The following COG5 variants were observed in gnomAD, a reference collection of about 807,000 sequenced individuals.
The protein encoded by COG5 is conserved oligomeric Golgi complex subunit 5.
COG5 carries 86 observed loss-of-function variants against 110.4 expected under a neutral mutation model. The observed-to-expected ratio is 0.78, with a 90% CI of 0.65 to 0.93. COG5 has a LOEUF of 0.93. COG5 is among the 40% of genes least tolerant of loss of function. The pLI, the probability that COG5 is intolerant of heterozygous loss-of-function variation, is 0.00. For synonymous variants in COG5, 360 were observed against 334.6 expected, an observed-to-expected ratio of 1.08 and a Z score of -0.83; for missense variants, 1,077 against 987.0, an observed-to-expected ratio of 1.09 and a Z score of -1.22.
chr7:107,444,826 C>T (rs533166532), intron 6 of COG5, among the ~76,000 whole-genome samples: 1 of 152,162 alleles, frequency 6.6e-6, no homozygotes, highest in Non-Finnish European at 1.5e-5. Flanking sequence ...AAGCATCAGT[C>T]TTAAAGAGTA....
At chr7:107,508,966 T>G (rs185334416) in intron 6 of COG5, among the ~76,000 whole-genome samples, 30 of 152,028 alleles carry the variant, frequency 2.0e-4, no homozygotes, top group African/African-American at 7.2e-4. Flanking sequence ...GCAGAAACAC[T>G]GGAAACCCTA....
chr7:107,395,965 G>C (rs1470752448), intron 7 of COG5, among the ~76,000 whole-genome samples: 1 of 152,118 alleles, frequency 6.6e-6, no homozygotes, highest in Non-Finnish European at 1.5e-5. Context: ...CCTTAATCAT[G>C]TACAATCATT....
At chr7:107,303,485 T>C (rs1807454973) in intron 11 of COG5, among the ~76,000 whole-genome samples, 1 of 152,164 alleles carries the variant, frequency 6.6e-6, no homozygotes, top group Non-Finnish European at 1.5e-5. Context: ...TGGAGTACAG[T>C]GGCACAGTCA....
Position 107,474,226 on chromosome 7 carries a change from C to T in COG5, c.538+53011G>A, listed in dbSNP as rs1350127913. 3.1e-6 allele frequency: 5 copies of T among 1,613,094 alleles called. No individual in the cohort carries two copies. The highest frequency in any genetic ancestry group is 3.4e-6 in the Non-Finnish European group (4 of 1,179,322). ...TCTTATGTTAGAAATTGTGTTGGGA[C>T]TTGGCAGCAACCTCACTGTATTGGT... is the stretch of plus-strand genomic sequence containing the variant. On this transcript the variant is annotated intron_variant, in intron 6 of 21. Transcript: ENST00000297135. The surrounding 1 kb of genome is among the most constrained non-coding windows in gnomAD (Gnocchi z 5.7).
chr7:107,415,876 G>A lies in COG5; in HGVS notation c.539-3244C>T, dbSNP rs1404382126. 7.6e-5 allele frequency among the ~76,000 whole-genome samples: 7 copies of A among 92,402 alleles called. 2 individuals are homozygous for A. Among genetic ancestry groups the A allele is most frequent in the African/African-American group, 3.3e-4 (7 of 21,500 alleles). The allele number at this position is 92,402 out of a possible 152,430, so 60.6% of individuals were successfully genotyped here. Reference sequence around the variant, plus strand: ...CACACACATACACGTATGTATGTATGTGTGTGTATATACACACACATACAC... The same window carrying A: ...CACACACATACACGTATGTATGTATATGTGTGTATATACACACACATACAC... On this transcript the variant is annotated intron_variant, in intron 6 of 21. Transcript: ENST00000297135.
In COG5 at chr7:107,540,531, C is replaced by A. The variant is rs538523832; in HGVS notation, c.417+7580G>T. On this transcript the variant is annotated intron_variant, in intron 5 of 21. Transcript: ENST00000297135. ...ACTTAGAGGTTACAGTGGGTCAAGA[C>A]TGCCCCACTATACTCCAGCCCAAGT... Among the ~76,000 whole-genome samples the A allele has an allele frequency of 1.3e-4, 20 of 150,900 alleles. No individual in the cohort carries two copies. The East Asian group carries it at 3.9e-3, about 30-fold the overall frequency.
intron 18 of COG5, among the ~76,000 whole-genome samples, chr7:107,230,969 A>T (rs1160803468): frequency 1.3e-5 from 2 of 152,212 alleles, no homozygotes; most frequent in African/African-American, 4.8e-5. Flanking sequence ...TCATTTATCC[A>T]TTGAAAAATA....
chr7:107,258,246 T>TAA (rs539484225), intron 15 of COG5, 27 bp downstream of exon 15: 2 of 1,357,672 alleles, frequency 1.5e-6, no homozygotes, highest in Non-Finnish European at 2.1e-6. Flanking sequence ...TAAAATTAAG[T>TAA]AAAAAAAAAC....
At chr7:107,531,472 G>A (rs1375783641) in intron 5 of COG5, among the ~76,000 whole-genome samples, 2 of 151,892 alleles carry the variant, frequency 1.3e-5, no homozygotes, top group African/African-American at 4.8e-5. Context: ...ATAAGCATAT[G>A]AAATTTCTCT....
At chr7:107,385,812 T>G (rs559609518) in intron 7 of COG5, among the ~76,000 whole-genome samples, 2 of 151,698 alleles carry the variant, frequency 1.3e-5, no homozygotes, top group East Asian at 3.9e-4. Context: ...TTTCTTTTTT[T>G]TTTTTTTTTT....
At chr7:107,288,249 A>C (rs1040889894) in intron 12 of COG5, among the ~76,000 whole-genome samples, 1 of 152,162 alleles carries the variant, frequency 6.6e-6, no homozygotes, top group African/African-American at 2.4e-5. Flanking sequence ...CTGTAATCCC[A>C]GCTACTCAAA....
At chr7:107,363,123 G>C (rs181580029) in intron 8 of COG5, among the ~76,000 whole-genome samples, 27 of 152,244 alleles carry the variant, frequency 1.8e-4, no homozygotes, top group Non-Finnish European at 3.1e-4. Flanking sequence ...ACACAAATAC[G>C]TAACAGGAAT....
chr7:107,211,331 A>T, intron 19 of COG5, 106 bp from the exon 20 acceptor site: 1 of 1,294,742 alleles, frequency 7.7e-7, no homozygotes, highest in Non-Finnish European at 1.1e-6. Context: ...TAGATTGGCT[A>T]CTGAAGGAGC....
At chr7:107,552,197 A>G (rs967769972) in intron 3 of COG5, among the ~76,000 whole-genome samples, 3 of 152,214 alleles carry the variant, frequency 2.0e-5, no homozygotes, top group African/African-American at 7.2e-5. Flanking sequence ...TGCCATCCTT[A>G]TTAATAAAAA....
intron 6 of COG5, among the ~76,000 whole-genome samples, chr7:107,517,942 C>T (rs538079070): frequency 4.0e-4 from 61 of 152,164 alleles, no homozygotes; most frequent in African/African-American, 1.4e-3. Context: ...GAGATCTGCC[C>T]GCCTCGGCGT....
chr7:107,291,822 G>C (rs1254897625), intron 12 of COG5, among the ~76,000 whole-genome samples: 3 of 152,050 alleles, frequency 2.0e-5, no homozygotes, highest in Non-Finnish European at 4.4e-5. Flanking sequence ...TCTCTCCTTG[G>C]AGCTAGCTTA....
At position 107,339,131 on chromosome 7, in the gene COG5, T is replaced by C. The variant is rs114838411; in HGVS notation, c.1027-14610A>G. On this transcript the variant is annotated intron_variant, in intron 10 of 21. Transcript: ENST00000297135. ...CATCTATCTGCTATCTTCAAGAGAC[T>C]GATCTCACATGCAGTAACACCTATC... 5.4e-3 allele frequency among the ~76,000 whole-genome samples: 829 copies of C among 152,232 alleles called. 9 individuals are homozygous for C. Among genetic ancestry groups the C allele is most frequent in the African/African-American group, 0.019 (807 of 41,570 alleles).
chr7:107,557,210 T>A (rs1462901832), intron 2 of COG5, among the ~76,000 whole-genome samples: 3 of 152,194 alleles, frequency 2.0e-5, no homozygotes, highest in East Asian at 1.9e-4. Flanking sequence ...AATGATCAAG[T>A]GGATATGTCT....
intron 21 of COG5, among the ~76,000 whole-genome samples, chr7:107,205,000 T>C (rs1798654901): frequency 6.6e-6 from 1 of 152,256 alleles, no homozygotes; most frequent in African/African-American, 2.4e-5. Context: ...ATTAATTTGC[T>C]ACACACATTT....
Sources: allele counts gnomAD v4.1 joint callset (sites outside exome capture counted in the v4.1 genomes callset), GRCh38; gene constraint gnomAD v4.1.1; non-coding constraint Gnocchi (gnomAD v3.1); transcripts MANE v1.5; gene names NCBI Gene and HGNC (gene_info 2026-07-23, HGNC 2026-07-21).